The following PAK3 variants were observed in gnomAD, a reference collection of about 807,000 sequenced individuals.
PAK3 encodes p21 (RAC1) activated kinase 3, also known as serine/threonine-protein kinase PAK 3.
A neutral mutation model predicts 41.0 loss-of-function variants in PAK3; 4 were observed. The observed-to-expected ratio is 0.10, with a 90% CI of 0.05 to 0.22. The LOEUF (loss-of-function observed/expected upper bound fraction) is 0.22, where lower values mean the gene tolerates loss of function less well. PAK3 is among the 10% of genes least tolerant of loss of function. The pLI is 1.00. For missense variants in PAK3, 205 were observed against 409.9 expected (o/e 0.50, Z 4.32); for synonymous variants, 146 against 139.6 (o/e 1.05, Z -0.32).
intron 8 of PAK3, among the ~76,000 whole-genome samples, chrX:111,153,354 G>T (rs1278545423): frequency 8.9e-6 from 1 of 111,842 alleles, no homozygotes; most frequent in Non-Finnish European, 1.9e-5. Flanking sequence ...AAGTCACATA[G>T]ATAATTTTTA....
Position 111,226,617 on chromosome X carries a change from G to T in PAK3, c.*6170G>T, listed in dbSNP as rs911144075. The T allele has an allele frequency of 6.2e-5, 7 of 112,449 alleles. No homozygotes were observed. Among genetic ancestry groups the T allele is most frequent in the African/African-American group, 1.9e-4 (6 of 30,933 alleles). The allele number at this position is 112,449 out of a possible 1,213,427, so 9.3% of individuals were successfully genotyped here. ...TTGAGAAATGTTGACAAATTAATTT[G>T]TTGGGAACCAAAGATAGCATTTCTG... On this transcript the variant is annotated 3_prime_UTR_variant, in exon 18 of 18. Coordinates refer to ENST00000372007, the MANE Select transcript of PAK3 (RefSeq NM_002578.5).
intron 1 of PAK3, among the ~76,000 whole-genome samples, chrX:111,024,153 C>T (rs919609695): frequency 3.6e-5 from 4 of 111,941 alleles, no homozygotes; most frequent in African/African-American, 1.3e-4. Flanking sequence ...AATAGGAAAT[C>T]ATTTCCCCAT....
chrX:111,180,768 G>A (rs2094454571), intron 11 of PAK3, among the ~76,000 whole-genome samples: 1 of 111,708 alleles, frequency 9.0e-6, no homozygotes, highest in Non-Finnish European at 1.9e-5. Flanking sequence ...GCAGTGCTTT[G>A]TTATTTGAAT....
At chrX:111,035,487 A>T (rs1413572570) in intron 1 of PAK3, among the ~76,000 whole-genome samples, 1 of 111,548 alleles carries the variant, frequency 9.0e-6, no homozygotes, top group Non-Finnish European at 1.9e-5. Context: ...CATGCTGGGG[A>T]CTGAATGGTG....
intron 8 of PAK3, among the ~76,000 whole-genome samples, chrX:111,161,559 G>A (rs377488703): frequency 9.0e-6 from 1 of 110,844 alleles, no homozygotes; most frequent in African/African-American, 3.3e-5. Flanking sequence ...TGTCCTGAAT[G>A]GTATTGCCTA....
At chrX:110,963,255 C>T (rs915057488) in intron 1 of PAK3, among the ~76,000 whole-genome samples, 1 of 111,958 alleles carries the variant, frequency 8.9e-6, no homozygotes, top group Non-Finnish European at 1.9e-5. Context: ...ATTCTGTTGC[C>T]TTTATCAGAA....
At chrX:111,092,396 A>T (rs768585696), upstream of PAK3, among the ~76,000 whole-genome samples, 27 of 111,283 alleles carry the variant, frequency 2.4e-4, no homozygotes, top group Non-Finnish European at 4.3e-4. Context: ...ACACACATAC[A>T]CCCAATTTTT....
intron 1 of PAK3, among the ~76,000 whole-genome samples, chrX:111,062,841 CTTT>C (rs11330952): frequency 1.2e-4 from 12 of 97,478 alleles, no homozygotes; most frequent in Admixed American, 5.7e-4. Flanking sequence ...AAGGAAATTA[CTTT>C]TTTTTTTTTT....
chrX:111,122,205 G>A (rs942285732), intron 4 of PAK3, among the ~76,000 whole-genome samples: 27 of 95,017 alleles, frequency 2.8e-4, no homozygotes, highest in Non-Finnish European at 4.7e-4. Context: ...GCAGTGAGCC[G>A]AGATTGCGCC....
chrX:111,025,247 G>A (rs886855511), intron 1 of PAK3, among the ~76,000 whole-genome samples: 1 of 110,371 alleles, frequency 9.1e-6, no homozygotes, highest in Non-Finnish European at 1.9e-5. Context: ...AGAGAAACAA[G>A]AACAACCCAA....
At chrX:111,128,542 G>A (rs1047868022) in intron 5 of PAK3, among the ~76,000 whole-genome samples, 3 of 111,510 alleles carry the variant, frequency 2.7e-5, no homozygotes, top group African/African-American at 9.8e-5. Context: ...AACCAACCTA[G>A]AATCACATAG....
intron 1 of PAK3, among the ~76,000 whole-genome samples, chrX:110,957,351 T>G (rs1205249416): frequency 1.8e-5 from 2 of 112,262 alleles, no homozygotes; most frequent in East Asian, 5.6e-4. Flanking sequence ...CTAGGCACTG[T>G]GCTAGCTGCC....
intron 17 of PAK3, 41 bp from the exon 18 acceptor site, chrX:111,220,317 G>T: frequency 2.3e-6 from 2 of 874,674 alleles, no homozygotes; most frequent in Non-Finnish European, 3.4e-6. Context: ...CTTGTTGGAG[G>T]AAAGAATTCC....
intron 1 of PAK3, among the ~76,000 whole-genome samples, chrX:111,082,559 G>T (rs944843298): frequency 2.0e-4 from 22 of 111,406 alleles, no homozygotes; most frequent in Middle Eastern, 4.2e-3. Flanking sequence ...GCTTATTCTG[G>T]CAAGTTCTCA....
intron 1 of PAK3, among the ~76,000 whole-genome samples, chrX:110,969,094 A>ATTTTTTTTTTTTTTTTTTTTT (rs60724970): frequency 4.4e-4 from 18 of 40,611 alleles, no homozygotes; most frequent in Non-Finnish European, 5.7e-4. Flanking sequence ...GACCTGCCTA[A>ATTTTTTTTTTTTTTTTTTTTT]TTTTTTTTTT....
intron 6 of PAK3, among the ~76,000 whole-genome samples, chrX:111,142,889 T>C (rs1219260301): frequency 9.0e-6 from 1 of 110,799 alleles, no homozygotes; most frequent in Non-Finnish European, 1.9e-5. Context: ...AGATCAAGCC[T>C]TTTGCTGAAT....
intron 1 of PAK3, among the ~76,000 whole-genome samples, chrX:110,957,375 T>C (rs993468322): frequency 8.9e-6 from 1 of 112,207 alleles, no homozygotes; most frequent in African/African-American, 3.2e-5. Flanking sequence ...TATATTTTTT[T>C]CTCATTTAAT....
Position 111,155,238 on chromosome X carries a change from T to C in PAK3, c.468+2791T>C, listed in dbSNP as rs571538246. On this transcript the variant is annotated intron_variant, in intron 8 of 17. Transcript: ENST00000372007. ...GATAGTGGCTGAGTATAGTGGTTCA[T>C]GCCTGTAATCCCAGCACTGTGGGAG... 1.3e-4 allele frequency among the ~76,000 whole-genome samples: 14 copies of C among 110,715 alleles called. No individual in the cohort carries two copies. In the South Asian group the frequency reaches 5.7e-3, roughly 45 times the overall value.
At chrX:111,058,829 T>C (rs1247580813) in intron 1 of PAK3, among the ~76,000 whole-genome samples, 2 of 112,086 alleles carry the variant, frequency 1.8e-5, no homozygotes, top group East Asian at 5.6e-4. Context: ...CCATTTCAAG[T>C]AAAGTTTTGT....
Sources: allele counts gnomAD v4.1 joint callset (sites outside exome capture counted in the v4.1 genomes callset), GRCh38; gene constraint gnomAD v4.1.1; transcripts MANE v1.5; gene names NCBI Gene and HGNC (gene_info 2026-07-23, HGNC 2026-07-21).